GLG1: variants seen among roughly 807,000 people sequenced by gnomAD.
GLG1 encodes the protein Golgi apparatus protein 1.
GLG1 carries 38 observed loss-of-function variants against 160.5 expected under a neutral mutation model. The observed-to-expected ratio is 0.24, with a 90% CI of 0.18 to 0.31. The LOEUF (loss-of-function observed/expected upper bound fraction) is 0.31, where lower values mean the gene tolerates loss of function less well. Ranked by LOEUF, GLG1 falls within the 10% of genes least tolerant of loss-of-function variation. The pLI is 1.00. For synonymous variants in GLG1, 644 were observed against 543.4 expected (o/e 1.19, Z -2.57); for missense variants, 1,373 against 1,505.2 (o/e 0.91, Z 1.45).
chr16:74,501,570 C>T (rs116548349), intron 4 of GLG1, among the ~76,000 whole-genome samples: 2,118 of 152,264 alleles, frequency 0.014, 37 homozygotes, highest in African/African-American at 0.048. Flanking sequence ...TAGAAGGAGG[C>T]TAATCAGCTG....
At chr16:74,533,665 C>T (rs2143617681) in intron 1 of GLG1, among the ~76,000 whole-genome samples, 1 of 152,256 alleles carries the variant, frequency 6.6e-6, no homozygotes, top group East Asian at 1.9e-4. Context: ...CCTATAGTCC[C>T]ACCTACTCAG....
chr16:74,592,119 G>A (rs1243502607), intron 1 of GLG1, among the ~76,000 whole-genome samples: 1 of 152,142 alleles, frequency 6.6e-6, no homozygotes, highest in Non-Finnish European at 1.5e-5. Flanking sequence ...GGGCCACTGT[G>A]CCTGGCCTTC....
rs147588644 is a variant in GLG1, at chr16:74,450,099, G to C, written c.*3068C>G. On this transcript the variant is annotated 3_prime_UTR_variant, in exon 26 of 26. Coordinates refer to ENST00000422840, the MANE Select transcript of GLG1 (RefSeq NM_001145667.2). ...GTCACAGGGACACTGGCATGAACTGGTAAGTCCAGATGACAGTGACCCAGC... is the reference window on the plus strand; with the variant it reads ...GTCACAGGGACACTGGCATGAACTGCTAAGTCCAGATGACAGTGACCCAGC... The C allele has an allele frequency of 6.6e-6, 1 of 152,238 alleles. No individual in the cohort carries two copies. Among genetic ancestry groups the C allele is most frequent in the Non-Finnish European group, 1.5e-5 (1 of 68,064 alleles). The allele number at this position is 152,238 out of a possible 1,614,324, so 9.4% of individuals were successfully genotyped here. A position where few individuals can be genotyped will look rare whatever the true frequency, so the allele number is the denominator to read the frequency against.
At chr16:74,504,081 G>A (rs1333817780) in intron 3 of GLG1, among the ~76,000 whole-genome samples, 1 of 152,152 alleles carries the variant, frequency 6.6e-6, no homozygotes, top group African/African-American at 2.4e-5. Flanking sequence ...CTTTGGCATG[G>A]TCCTATGAAG....
chr16:74,574,700 C>G (rs1437825420), intron 1 of GLG1, among the ~76,000 whole-genome samples: 1 of 150,762 alleles, frequency 6.6e-6, no homozygotes, highest in African/African-American at 2.4e-5. Flanking sequence ...CTGGCCAACA[C>G]GGTAAAATGC....
At position 74,603,921 on chromosome 16, in the gene GLG1, T is replaced by C. The variant is rs181890745; in HGVS notation, c.438+2736A>G. On this transcript the variant is annotated intron_variant, in intron 1 of 25. Transcript: ENST00000422840. ...ACACCATTACTGGCTATTACATCTA[T>C]TATTTCATAGTGGACCCATGATATA... Among the ~76,000 whole-genome samples, 3 of 152,066 alleles carry C rather than the reference T, an allele frequency of 2.0e-5. No homozygotes were observed. The East Asian group carries it at 5.8e-4, about 29-fold the overall frequency.
intron 1 of GLG1, among the ~76,000 whole-genome samples, chr16:74,585,785 G>A (rs1210832706): frequency 2.0e-5 from 3 of 151,798 alleles, no homozygotes; most frequent in African/African-American, 4.8e-5. Context: ...AGATTTGGCC[G>A]GATGAGGTGG....
At chr16:74,594,253 G>GT (rs1003916739) in intron 1 of GLG1, among the ~76,000 whole-genome samples, 1 of 152,094 alleles carries the variant, frequency 6.6e-6, no homozygotes, top group African/African-American at 2.4e-5. Context: ...TTAAGAATTT[G>GT]TTTTATTTTA....
intron 10 of GLG1, among the ~76,000 whole-genome samples, chr16:74,481,932 T>C (rs1413994063): frequency 2.6e-5 from 4 of 152,058 alleles, no homozygotes; most frequent in Non-Finnish European, 4.4e-5. Context: ...ACTACAGGCA[T>C]GCACCACCTA....
In GLG1 at chr16:74,494,905, T is replaced by C. The variant is rs78631079; in HGVS notation, c.979-74A>G. 1.3e-3 allele frequency: 966 copies of C among 759,784 alleles called. 4 individuals carry two copies. The highest frequency in any genetic ancestry group is 9.2e-3 in the African/African-American group (535 of 57,996). 47.1% of individuals were successfully genotyped at this position (759,784 alleles called of 1,614,324 possible). A position where few individuals can be genotyped will look rare whatever the true frequency, so the allele number is the denominator to read the frequency against. Reference sequence around the variant, plus strand: ...GCTGAACATTATCCACAATCTCATATAGAGCTTTCTATTAAACGATTATAA... The same window carrying C: ...GCTGAACATTATCCACAATCTCATACAGAGCTTTCTATTAAACGATTATAA... On this transcript the variant is annotated intron_variant, in intron 5 of 25. Coordinates refer to ENST00000422840, the MANE Select transcript of GLG1 (RefSeq NM_001145667.2).
intron 1 of GLG1, among the ~76,000 whole-genome samples, chr16:74,569,689 G>A (rs1017948250): frequency 4.6e-5 from 7 of 151,696 alleles, no homozygotes; most frequent in Admixed American, 1.3e-4. Context: ...TGGTGAAACC[G>A]CATCTCTACT....
chr16:74,603,111 C>A (rs1325545024), intron 1 of GLG1, among the ~76,000 whole-genome samples: 1 of 151,012 alleles, frequency 6.6e-6, no homozygotes, highest in African/African-American at 2.4e-5. Context: ...ACAACAACAA[C>A]AGCAGCAGCA....
Position 74,451,943 on chromosome 16 carries a change from GA to G in GLG1, c.*1223del. On this transcript the variant is annotated 3_prime_UTR_variant, in exon 26 of 26. Coordinates refer to ENST00000422840, the MANE Select transcript of GLG1 (RefSeq NM_001145667.2). ...GGTACACGCAGCAAATGGACAGAAA[GA>G]AAAAAAACAGAGCAAATCCTCCATC... 2.4e-6 allele frequency: 2 copies of G among 824,010 alleles called. No homozygotes were observed. Among genetic ancestry groups the G allele is most frequent in the South Asian group, 1.5e-5 (1 of 66,946 alleles). The allele number at this position is 824,010 out of a possible 1,614,324, so 51.0% of individuals were successfully genotyped here. A position where few individuals can be genotyped will look rare whatever the true frequency, so the allele number is the denominator to read the frequency against.
rs1349622136 is a variant in GLG1 at position 74,505,181 on chromosome 16, G to C, written c.559-1435C>G. Among the ~76,000 whole-genome samples, 4 of 152,126 alleles carry C rather than the reference G, an allele frequency of 2.6e-5. No individual in the cohort carries two copies. The East Asian group carries it at 7.7e-4, about 29-fold the overall frequency. ...CCTCTTCCAAAAGGTGCTGGATGAA[G>C]GACACACCACCGAGGAATTATCCTA... is the stretch of plus-strand genomic sequence containing the variant. On this transcript the variant is annotated intron_variant, in intron 3 of 25. Transcript: ENST00000422840.
intron 1 of GLG1, among the ~76,000 whole-genome samples, chr16:74,556,731 CTCTG>C (rs2018364442): frequency 6.7e-6 from 1 of 148,406 alleles, no homozygotes; most frequent in African/African-American, 2.5e-5. Flanking sequence ...CAAGGTCTTG[CTCTG>C]TCTCAAATAT....
At chr16:74,588,476 G>T (rs915802452) in intron 1 of GLG1, among the ~76,000 whole-genome samples, 1 of 151,956 alleles carries the variant, frequency 6.6e-6, no homozygotes, top group Non-Finnish European at 1.5e-5. Context: ...TGATGTCCAG[G>T]TTACCCATTC....
rs33982914 is a variant in GLG1 at position 74,581,534 on chromosome 16, T to TAAA, written c.438+25120_438+25122dup. On this transcript the variant is annotated intron_variant, in intron 1 of 25. Transcript: ENST00000422840. ...GATTATGGAGATTCAATGTAAGATTTAAAAAAAAAAAAAAAAAAGGCCAGG... is the reference window on the plus strand; with the variant it reads ...GATTATGGAGATTCAATGTAAGATTTAAAAAAAAAAAAAAAAAAAAAGGCCAGG... Among the ~76,000 whole-genome samples, 976 of 131,998 alleles carry TAAA rather than the reference T, an allele frequency of 7.4e-3. 15 individuals carry two copies. The highest frequency in any genetic ancestry group is 0.018 in the African/African-American group (627 of 35,220). 86.6% of individuals were successfully genotyped at this position (131,998 alleles called of 152,430 possible). A position where few individuals can be genotyped will look rare whatever the true frequency, so the allele number is the denominator to read the frequency against.
chr16:74,575,690 C>T (rs2018982389), intron 1 of GLG1, among the ~76,000 whole-genome samples: 1 of 152,156 alleles, frequency 6.6e-6, no homozygotes, highest in African/African-American at 2.4e-5. Context: ...CCTCTGCCTC[C>T]CGGATTCAAG....
At chr16:74,480,019 C>G (rs868335131) in intron 11 of GLG1, among the ~76,000 whole-genome samples, 1 of 152,034 alleles carries the variant, frequency 6.6e-6, no homozygotes, top group Non-Finnish European at 1.5e-5. Flanking sequence ...GAAATCTTCC[C>G]CCACCCACTT....
Sources: gnomAD v4.1 joint callset for allele counts (sites outside exome capture counted in the v4.1 genomes callset) on GRCh38, gnomAD v4.1.1 for gene constraint, MANE v1.5 for transcripts, NCBI Gene and HGNC (gene_info 2026-07-23, HGNC 2026-07-21) for gene names.